Variants in ANKS1B observed in about 807,000 individuals in gnomAD.
ANKS1B encodes ankyrin repeat and sterile alpha motif domain containing 1B.
A neutral mutation model predicts 148.3 loss-of-function variants in ANKS1B; 36 were observed. The observed-to-expected ratio is 0.24, with a 90% CI of 0.19 to 0.32. The LOEUF (loss-of-function observed/expected upper bound fraction) is 0.32. Among genes scored for constraint, ANKS1B ranks in the 10% least tolerant of loss-of-function variants. ANKS1B has a pLI of 1.00. For synonymous variants in ANKS1B, 542 were observed against 560.8 expected (o/e 0.97, Z 0.47); for missense variants, 1,157 against 1,542.6 (o/e 0.75, Z 4.19).
At chr12:99,943,926 G>T (rs2094985902) in intron 1 of ANKS1B, among the ~76,000 whole-genome samples, 1 of 151,902 alleles carries the variant, frequency 6.6e-6, no homozygotes, top group African/African-American at 2.4e-5. Context: ...TCTACATTAG[G>T]TATTTCTCCT....
At chr12:98,812,624 A>G (rs1244024860) in intron 19 of ANKS1B, among the ~76,000 whole-genome samples, 1 of 152,128 alleles carries the variant, frequency 6.6e-6, no homozygotes. Context: ...CCCAGGCTAG[A>G]GTGCAGGGGT....
At chr12:99,536,287 G>A (rs895730775) in intron 9 of ANKS1B, among the ~76,000 whole-genome samples, 18 of 152,236 alleles carry the variant, frequency 1.2e-4, no homozygotes, top group African/African-American at 4.3e-4. Flanking sequence ...ACTCTGGTGG[G>A]GATGTTGATA....
At chr12:98,743,698 G>T (rs1565922457), downstream of ANKS1B, among the ~76,000 whole-genome samples, 1 of 152,194 alleles carries the variant, frequency 6.6e-6, no homozygotes, top group Non-Finnish European at 1.5e-5. Context: ...CAGTTTGGTG[G>T]TCCTTTCTCT....
intron 8 of ANKS1B, among the ~76,000 whole-genome samples, chr12:99,746,501 G>A (rs1665251323): frequency 6.6e-6 from 1 of 151,934 alleles, no homozygotes; most frequent in South Asian, 2.1e-4. Context: ...TTCCTGTTAT[G>A]TTACATTACC....
At chr12:99,335,819 C>T (rs1289105983) in intron 12 of ANKS1B, among the ~76,000 whole-genome samples, 2 of 152,076 alleles carry the variant, frequency 1.3e-5, no homozygotes, top group African/African-American at 4.8e-5. Context: ...CTGCAATAAA[C>T]ATGGGAGTGT....
intron 1 of ANKS1B, among the ~76,000 whole-genome samples, chr12:99,830,886 T>C (rs1214380107): frequency 6.6e-6 from 1 of 152,148 alleles, no homozygotes; most frequent in African/African-American, 2.4e-5. Flanking sequence ...GCATTTGAAA[T>C]TCTCTCTGCC....
intron 14 of ANKS1B, among the ~76,000 whole-genome samples, chr12:99,158,351 A>T (rs2076294260): frequency 2.6e-5 from 4 of 152,138 alleles, no homozygotes; most frequent in Admixed American, 2.6e-4. Flanking sequence ...GAAGAAACTG[A>T]CCATTATTCT....
rs60859981 is a variant in ANKS1B at position 99,506,396 on chromosome 12, T to A, written c.1273-1755A>T. On this transcript the variant is annotated intron_variant, in intron 9 of 26. Transcript: ENST00000683438. ...TACCAGACCCTCACACATCAGAGAGTCAATTATGGTCATGATACTCCATTG... is the reference window on the plus strand; with the variant it reads ...TACCAGACCCTCACACATCAGAGAGACAATTATGGTCATGATACTCCATTG... Among the ~76,000 whole-genome samples, 1,059 of 151,836 alleles carry A rather than the reference T, an allele frequency of 7.0e-3. 12 individuals carry two copies. Among genetic ancestry groups the A allele is most frequent in the African/African-American group, 0.024 (1,009 of 41,434 alleles).
intron 12 of ANKS1B, among the ~76,000 whole-genome samples, chr12:99,329,447 T>C (rs975794285): frequency 1.3e-5 from 2 of 152,046 alleles, no homozygotes; most frequent in South Asian, 4.1e-4. Context: ...CCTTGAGATA[T>C]ATTCCTTGAA....
At chr12:98,767,437 C>A (rs1482983425) in intron 25 of ANKS1B, among the ~76,000 whole-genome samples, 1 of 152,196 alleles carries the variant, frequency 6.6e-6, no homozygotes, top group East Asian at 1.9e-4. Flanking sequence ...CCACCCTGCA[C>A]CACGTCTTCA....
chr12:99,831,400 G>T (rs151319951), intron 1 of ANKS1B, among the ~76,000 whole-genome samples: 167 of 152,164 alleles, frequency 1.1e-3, no homozygotes, highest in African/African-American at 3.9e-3. Flanking sequence ...ATGTTTAAAA[G>T]CTTTCATAGT....
In ANKS1B at chr12:99,559,529, G is replaced by A. The variant is rs780597297; in HGVS notation, c.1273-54888C>T. Among the ~76,000 whole-genome samples the A allele has an allele frequency of 7.9e-5, 12 of 152,122 alleles. 1 individual carries two copies. The highest frequency in any genetic ancestry group is 1.6e-4 in the Non-Finnish European group (11 of 68,026). On this transcript the variant is annotated intron_variant, in intron 9 of 26. Coordinates refer to ENST00000683438, the MANE Select transcript of ANKS1B (RefSeq NM_001352186.2). ...TAATATTACTCGTTCCAGTTGCATG[G>A]TGGGGAAAAGAAAGCAGAATCAATA...
chr12:99,564,821 C>G (rs892041426), intron 9 of ANKS1B, among the ~76,000 whole-genome samples: 1 of 152,106 alleles, frequency 6.6e-6, no homozygotes, highest in African/African-American at 2.4e-5. Flanking sequence ...ACATTCATTA[C>G]CACTGCTTTT....
chr12:99,269,794 C>T (rs1441333021), intron 12 of ANKS1B, among the ~76,000 whole-genome samples: 2 of 152,126 alleles, frequency 1.3e-5, no homozygotes, highest in African/African-American at 2.4e-5. Context: ...CTCCTGACCT[C>T]GTGATCTGCC....
intron 25 of ANKS1B, 48 bp downstream of exon 25, chr12:98,772,994 G>T: frequency 6.2e-7 from 1 of 1,609,650 alleles, no homozygotes; most frequent in Non-Finnish European, 8.5e-7. Context: ...TACAGTCCAG[G>T]CCCATTCTGC....
chr12:99,280,309 G>C (rs1392708155), intron 12 of ANKS1B, among the ~76,000 whole-genome samples: 1 of 152,092 alleles, frequency 6.6e-6, no homozygotes, highest in East Asian at 1.9e-4. Flanking sequence ...GTTTGGCAGG[G>C]CCTGCCAGTG....
intron 14 of ANKS1B, among the ~76,000 whole-genome samples, chr12:99,183,575 G>A (rs772047214): frequency 4.3e-4 from 65 of 152,100 alleles, no homozygotes; most frequent in African/African-American, 9.9e-4. Context: ...ACCAGAAGGC[G>A]GAGGTTGCAG....
chr12:99,578,350 C>T (rs1232017283), intron 9 of ANKS1B, among the ~76,000 whole-genome samples: 1 of 152,014 alleles, frequency 6.6e-6, no homozygotes, highest in Non-Finnish European at 1.5e-5. Flanking sequence ...ACTAAAGGTC[C>T]TAGCCAGAGC....
At chr12:99,842,812 A>C (rs1375370745) in intron 1 of ANKS1B, among the ~76,000 whole-genome samples, 1 of 152,118 alleles carries the variant, frequency 6.6e-6, no homozygotes, top group Non-Finnish European at 1.5e-5. Context: ...TCATTGAATA[A>C]TTTTTGTTAA....
Sources: allele counts gnomAD v4.1 joint callset (sites outside exome capture counted in the v4.1 genomes callset), GRCh38; gene constraint gnomAD v4.1.1; transcripts MANE v1.5; gene names NCBI Gene and HGNC (gene_info 2026-07-23, HGNC 2026-07-21).